CCDC13: variants seen among roughly 807,000 people sequenced by gnomAD.
The protein encoded by CCDC13 is coiled-coil domain-containing protein 13.
CCDC13 carries 70 observed loss-of-function variants against 87.3 expected under a neutral mutation model. The ratio of observed to expected loss-of-function variants is 0.80; its 90% CI spans 0.66 to 0.98. CCDC13 has a LOEUF of 0.98. Ranked by LOEUF, CCDC13 falls within the 50% of genes least tolerant of loss-of-function variation. The pLI is 0.00. For missense variants in CCDC13, 842 were observed against 892.0 expected (o/e 0.94, Z 0.71); for synonymous variants, 317 against 360.3 (o/e 0.88, Z 1.36).
intron 13 of CCDC13, among the ~76,000 whole-genome samples, chr3:42,714,986 T>C (rs1308681975): frequency 6.6e-6 from 1 of 152,132 alleles, no homozygotes; most frequent in Non-Finnish European, 1.5e-5. Flanking sequence ...TGTCCACATG[T>C]AGCCATTAAA....
chr3:42,763,559 C>T (rs1234744376), intron 1 of CCDC13, among the ~76,000 whole-genome samples: 1 of 150,100 alleles, frequency 6.7e-6, no homozygotes, highest in Non-Finnish European at 1.5e-5. Context: ...GGCTGGAGCG[C>T]AGTGGCACAA....
chr3:42,737,127 TTGTTCAATTCCCACCTATGAG>T (rs1283101938), intron 9 of CCDC13, among the ~76,000 whole-genome samples: 1 of 150,596 alleles, frequency 6.6e-6, no homozygotes, highest in African/African-American at 2.4e-5. Flanking sequence ...AGTGATCTCA[TTGTTCAATTCCCACCTATGAG>T]TGAGAACATG....
chr3:42,743,600 T>TATACATACATAC, intron 7 of CCDC13, among the ~76,000 whole-genome samples: 11 of 125,800 alleles, frequency 8.7e-5, no homozygotes, highest in Admixed American at 1.6e-4. Context: ...TATATATATA[T>TATACATACATAC]ACACACACAC....
intron 1 of CCDC13, among the ~76,000 whole-genome samples, chr3:42,769,187 C>G (rs1017582715): frequency 1.3e-5 from 2 of 151,882 alleles, no homozygotes; most frequent in Non-Finnish European, 2.9e-5. Context: ...ACAAACTCCT[C>G]AACAAAAAAG....
chr3:42,747,376 G>A lies in CCDC13; in HGVS notation c.604-3C>T. 1 of 1,604,714 alleles carries A rather than the reference G, an allele frequency of 6.2e-7. No individual in the cohort carries two copies. Among genetic ancestry groups the A allele is most frequent in the Non-Finnish European group, 8.5e-7 (1 of 1,171,846 alleles). Reference sequence around the variant, plus strand: ...GCCTTCACCTCTGGGGTCTCCAGCTGGTTGGGAAGGACAGGAGAGAAAGTA... The same window carrying A: ...GCCTTCACCTCTGGGGTCTCCAGCTAGTTGGGAAGGACAGGAGAGAAAGTA... On this transcript the variant is annotated splice_region_variant and splice_polypyrimidine_tract_variant and intron_variant, in intron 5 of 15. Transcript: ENST00000310232.
downstream of CCDC13, among the ~76,000 whole-genome samples, chr3:42,705,352 A>G (rs1168934057): frequency 6.6e-6 from 1 of 152,064 alleles, no homozygotes; most frequent in African/African-American, 2.4e-5. Flanking sequence ...CCCAGTGACA[A>G]TGTAGTGTGT....
chr3:42,731,072 A>G (rs537920279), intron 12 of CCDC13, among the ~76,000 whole-genome samples: 1 of 152,076 alleles, frequency 6.6e-6, no homozygotes, highest in African/African-American at 2.4e-5. Flanking sequence ...TGACTTGTTC[A>G]ATTTTCTCCA....
At chr3:42,712,308 G>A (rs1027240210) in intron 14 of CCDC13, among the ~76,000 whole-genome samples, 2 of 152,008 alleles carry the variant, frequency 1.3e-5, no homozygotes, top group African/African-American at 4.8e-5. Context: ...GTCAGACAGA[G>A]GCAGGCCCAG....
intron 3 of CCDC13, 56 bp from the exon 4 acceptor site, chr3:42,752,773 C>T: frequency 1.3e-6 from 2 of 1,592,632 alleles, no homozygotes; most frequent in Non-Finnish European, 8.6e-7. Flanking sequence ...ACATCAAACT[C>T]ATGCTCCACC....
In CCDC13 at chr3:42,752,008, G is replaced by A. The variant is rs1275241625; in HGVS notation, c.531C>T (p.Thr177=). The stretch of plus-strand genomic sequence containing the variant: ...CGGTGGCCCCCTTGGCTGACAGCCT[G>A]GTCAGGGCTGTCTGCAGCTGAAAAA... The part of the protein sequence containing the change: ...ELERELQTAL[T]RLSAKGATDA... The change falls in exon 5 of 16, where the codon ACC becomes ACT. Residue 177 remains threonine, a synonymous_variant. Coordinates refer to ENST00000310232, the MANE Select transcript of CCDC13 (RefSeq NM_144719.4). 6.2e-7 allele frequency: 1 copy of A among 1,607,562 alleles called. No individual in the cohort carries two copies. The highest frequency in any genetic ancestry group is 8.5e-7 in the Non-Finnish European group (1 of 1,179,930).
In CCDC13 at chr3:42,745,873, G is replaced by A. The variant is rs371910594; in HGVS notation, c.825+50C>T. ...GGGGGTCAGGGCAGCTCTTTCTGGG[G>A]TGTTTTAAATCCTTTGTTCAGGCCA... On this transcript the variant is annotated intron_variant, in intron 7 of 15. Coordinates refer to ENST00000310232, the MANE Select transcript of CCDC13 (RefSeq NM_144719.4). 32 of 1,455,364 alleles carry A rather than the reference G, an allele frequency of 2.2e-5. No individual in the cohort carries two copies. The African/African-American group carries it at 4.1e-4, about 18-fold the overall frequency. 90.2% of individuals were successfully genotyped at this position (1,455,364 alleles called of 1,614,324 possible).
chr3:42,738,783 T>G (rs1161093967), intron 9 of CCDC13, among the ~76,000 whole-genome samples: 1 of 152,242 alleles, frequency 6.6e-6, no homozygotes, highest in Non-Finnish European at 1.5e-5. Flanking sequence ...CTCCTGAAGT[T>G]GCTTATCAGC....
intron 5 of CCDC13, among the ~76,000 whole-genome samples, chr3:42,750,766 T>C (rs1252951703): frequency 6.6e-6 from 1 of 152,172 alleles, no homozygotes; most frequent in Non-Finnish European, 1.5e-5. Flanking sequence ...CCTCACCCGG[T>C]CAAGGCTCTA....
intron 3 of CCDC13, among the ~76,000 whole-genome samples, chr3:42,753,283 G>A (rs1049214402): frequency 1.3e-5 from 2 of 152,208 alleles, no homozygotes; most frequent in Non-Finnish European, 2.9e-5. Flanking sequence ...GAACAAAGTG[G>A]AACCAATCTA....
chr3:42,749,271 G>A (rs558682565), intron 5 of CCDC13, among the ~76,000 whole-genome samples: 5 of 152,354 alleles, frequency 3.3e-5, no homozygotes, highest in African/African-American at 1.2e-4. Flanking sequence ...GGCCCTGACA[G>A]TGGGGGTGCT....
Position 42,733,470 on chromosome 3 carries a change from C to A in CCDC13, c.1511G>T (p.Arg504Leu). 5 of 1,613,960 alleles carry A rather than the reference C, an allele frequency of 3.1e-6. No individual in the cohort carries two copies. Among genetic ancestry groups the A allele is most frequent in the Middle Eastern group, 1.6e-4 (1 of 6,062 alleles). The change falls in exon 11 of 16, where the codon CGC (arginine) becomes CTC (leucine). Residue 504 changes from arginine to leucine, a missense_variant and splice_region_variant. Physicochemically the swap from Arg to Leu is moderately radical, Grantham distance 102. Coordinates refer to ENST00000310232, the MANE Select transcript of CCDC13 (RefSeq NM_144719.4). ...GDHVGRLGSS[R>L]SVTSLGHTLV... ...CCCCTCCCTCCCATTGTTTTCTTAC[C>A]GAGAAGATCCAAGCCTGCCAACATG...
At chr3:42,751,494 C>G (rs62246607) in intron 5 of CCDC13, among the ~76,000 whole-genome samples, 2 of 152,122 alleles carry the variant, frequency 1.3e-5, no homozygotes, top group Non-Finnish European at 2.9e-5. Flanking sequence ...CCATAAAGAA[C>G]AGGATTCCAC....
At chr3:42,768,418 C>T (rs565881571) in intron 1 of CCDC13, among the ~76,000 whole-genome samples, 7 of 152,238 alleles carry the variant, frequency 4.6e-5, no homozygotes, top group Admixed American at 3.3e-4. Flanking sequence ...GAAAAGAGGC[C>T]GGGAATGGTG....
intron 14 of CCDC13, 102 bp downstream of exon 14, chr3:42,713,060 C>T (rs1312593064): frequency 7.4e-7 from 1 of 1,355,904 alleles, no homozygotes; most frequent in African/African-American, 1.5e-5. Context: ...CTCTGCTTCC[C>T]ACATGCTCAC....
Sources: allele counts gnomAD v4.1 joint callset (sites outside exome capture counted in the v4.1 genomes callset), GRCh38; gene constraint gnomAD v4.1.1; transcripts MANE v1.5; gene names NCBI Gene and HGNC (gene_info 2026-07-23, HGNC 2026-07-21).